The following TNXB variants were observed in gnomAD, a reference collection of about 807,000 sequenced individuals.
TNXB encodes the protein tenascin XB.
In TNXB, 183 loss-of-function variants were observed where a neutral mutation model predicts 340.5. The ratio of observed to expected loss-of-function variants is 0.54; its 90% CI spans 0.48 to 0.61. The LOEUF (loss-of-function observed/expected upper bound fraction) is 0.61, where lower values mean the gene tolerates loss of function less well. Ranked by LOEUF, TNXB falls within the 20% of genes least tolerant of loss-of-function variation. The pLI, the probability that TNXB is intolerant of heterozygous loss-of-function variation, is 0.00. For missense variants in TNXB, 4,613 were observed against 5,446.4 expected (o/e 0.85, Z 4.82); for synonymous variants, 2,121 against 2,314.5 (o/e 0.92, Z 2.40).
rs770287896 is a variant in TNXB at position 32,068,400 on chromosome 6, G to T, written c.6210C>A (p.Val2070=). The T allele has an allele frequency of 6.2e-7, 1 of 1,613,094 alleles. No homozygotes were observed. Among genetic ancestry groups the T allele is most frequent in the East Asian group, 2.2e-5 (1 of 44,876 alleles). The change falls in exon 17 of 44, where the codon GTC becomes GTA. Residue 2070 remains valine, a synonymous_variant. Transcript: ENST00000644971. This position sits in a 1 kb window ranked among gnomAD's most constrained non-coding sequence, Gnocchi z 5.3. ...GGQRMGPVSV[V]GVTAAEEETP... ...CCATCATCCACTCACCTGTCACCCC[G>T]ACGACAGACACAGGGCCCATGCGCT... is the stretch of plus-strand genomic sequence containing the variant.
chr6:32,050,188 G>C lies in TNXB; in HGVS notation c.9249C>G (p.Pro3083=), dbSNP rs776838156. The change falls in exon 27 of 44, where the codon CCC becomes CCG. Residue 3083 remains proline (P), a synonymous_variant. Transcript: ENST00000644971. ...PDSLSLSWMV[P]EGQFDHFLVQ... ...CCAGGAAGTGGTCAAACTGGCCCTC[G>C]GGAACCATCCAGGACAGGCTGAGGG... 6 of 1,613,836 alleles carry C rather than the reference G, an allele frequency of 3.7e-6. No individual in the cohort carries two copies. Among genetic ancestry groups the C allele is most frequent in the African/African-American group, 2.7e-5 (2 of 75,044 alleles).
chr6:32,100,905 C>T (rs980661813), intron 1 of TNXB, among the ~76,000 whole-genome samples: 3 of 151,060 alleles, frequency 2.0e-5, no homozygotes, highest in African/African-American at 7.3e-5. Context: ...CATGGTGAAA[C>T]CCCATCTCTA....
At position 32,084,831 on chromosome 6, in the gene TNXB, T is replaced by C. The variant is rs1779681494; in HGVS notation, c.3149-122A>G. The C allele has an allele frequency of 3.6e-6, 3 of 826,002 alleles. No individual in the cohort carries two copies. The highest frequency in any genetic ancestry group is 3.4e-5 in the African/African-American group (2 of 58,408). The allele number at this position is 826,002 out of a possible 1,614,324, so 51.2% of individuals were successfully genotyped here. A position where few individuals can be genotyped will look rare whatever the true frequency, so the allele number is the denominator to read the frequency against. ...ATAGATCCCTCCCCGGAAGACTCTA[T>C]CTGCCCACCCCTCAGTGACTAGCTC... On this transcript the variant is annotated intron_variant, in intron 7 of 43. Coordinates refer to ENST00000644971, the MANE Select transcript of TNXB (RefSeq NM_001365276.2). This position sits in a 1 kb window ranked among gnomAD's most constrained non-coding sequence, Gnocchi z 5.5.
In TNXB at chr6:32,079,316, C is replaced by T. The variant is rs372941184; in HGVS notation, c.4092G>A (p.Thr1364=). 1.3e-4 allele frequency: 216 copies of T among 1,612,638 alleles called. 1 individual carries two copies. In the African/African-American group the frequency reaches 2.2e-3, roughly 16 times the overall value. Residue 1364 remains threonine (T), a synonymous_variant, in exon 11 of 44, where the codon ACG becomes ACA. Coordinates refer to ENST00000644971, the MANE Select transcript of TNXB (RefSeq NM_001365276.2). This position sits in a 1 kb window ranked among gnomAD's most constrained non-coding sequence, Gnocchi z 7.1. ...GCTCCTCGGGGGACTCCGGGGCCTC[C>T]GTGCCCAGTTCTGTGGGGCTGGGGG... ...DETPSPTELG[T]EAPESPEEPL...
chr6:32,095,662 C>T lies in TNXB; in HGVS notation c.2191G>A (p.Asp731Asn), dbSNP rs776085809. 8.7e-6 allele frequency: 14 copies of T among 1,613,900 alleles called. No individual in the cohort carries two copies. The highest frequency in any genetic ancestry group is 1.3e-5 in the African/African-American group (1 of 74,942). Residue 731 changes from aspartate (D) to asparagine (N), a missense_variant, in exon 3 of 44, where the codon GAT (aspartate) becomes AAT (asparagine). Coordinates refer to ENST00000644971, the MANE Select transcript of TNXB (RefSeq NM_001365276.2). ...CCATCTTTGCAGACACAGCTGCCATCGTGACACTCTCCTCGGCCACGGCAG... is the reference window on the plus strand; with the variant it reads ...CCATCTTTGCAGACACAGCTGCCATTGTGACACTCTCCTCGGCCACGGCAG... Reference protein sequence around the residue: ...GDCRGRGECHDGSCVCKDGYA... With the variant: ...GDCRGRGECHNGSCVCKDGYA...
rs1780321016 is a variant in TNXB at position 32,096,015 on chromosome 6, C to G, written c.1838G>C (p.Ser613Thr). 3 of 1,613,086 alleles carry G rather than the reference C, an allele frequency of 1.9e-6. No homozygotes were observed. The highest frequency in any genetic ancestry group is 2.5e-6 in the Non-Finnish European group (3 of 1,179,790). The change falls in exon 3 of 44, where the codon AGT becomes ACT. Residue 613 changes from serine to threonine, a missense_variant. Physicochemically the swap from Ser to Thr is moderately conservative, Grantham distance 58. Around this residue, in one of 7 missense-constraint regions of TNXB, gnomAD observed 4,327 missense variants for 4,859.4 expected, o/e 0.89. Transcript: ENST00000644971. ...GCAGGTGCGGATGCTGCAGTCCTCA[C>G]TCACGTAGCCTTCCCAACAGATGCA... is the stretch of plus-strand genomic sequence containing the variant. ...GVCICWEGYV[S>T]EDCSIRTCPS... is the part of the protein sequence containing the mutation.
rs938320728 is a variant in TNXB at position 32,070,478 on chromosome 6, G to T, written c.4991-64C>A. ...CGACTCCTTGACTGCCTCCCTCTGG[G>T]GCTGGAAAAACCCAGAACTGCCCAA... On this transcript the variant is annotated intron_variant, in intron 13 of 43. Transcript: ENST00000644971. This position sits in a 1 kb window ranked among gnomAD's most constrained non-coding sequence, Gnocchi z 6.0. The T allele has an allele frequency of 2.0e-6, 3 of 1,465,992 alleles. No homozygotes were observed. The highest frequency in any genetic ancestry group is 2.7e-6 in the Non-Finnish European group (3 of 1,103,964). 90.8% of individuals were successfully genotyped at this position (1,465,992 alleles called of 1,614,324 possible). A position where few individuals can be genotyped will look rare whatever the true frequency, so the allele number is the denominator to read the frequency against.
intron 1 of TNXB, among the ~76,000 whole-genome samples, chr6:32,100,402 G>A (rs1030293760): frequency 2.6e-5 from 4 of 152,120 alleles, no homozygotes; most frequent in African/African-American, 9.7e-5. Flanking sequence ...ACTGCACCCA[G>A]CCGCAAGATT....
rs1429782077 is a variant in TNXB at position 32,068,434 on chromosome 6, T to G, written c.6176A>C (p.His2059Pro). 6.2e-7 allele frequency: 1 copy of G among 1,613,880 alleles called. No individual in the cohort carries two copies. The highest frequency in any genetic ancestry group is 8.5e-7 in the Non-Finnish European group (1 of 1,179,874). ...CACAGGGCCCATGCGCTGGCCACCGTGGAAGCCGTACAGGTTCATCTTGTA... is the reference window on the plus strand; with the variant it reads ...CACAGGGCCCATGCGCTGGCCACCGGGGAAGCCGTACAGGTTCATCTTGTA... Reference protein sequence around the residue: ...HKYKMNLYGFHGGQRMGPVSV... With the variant: ...HKYKMNLYGFPGGQRMGPVSV... Residue 2059 changes from histidine (H) to proline (P), a missense_variant, in exon 17 of 44, where the codon CAC (histidine) becomes CCC (proline). Around this residue, in one of 7 missense-constraint regions of TNXB, gnomAD observed 4,327 missense variants for 4,859.4 expected, o/e 0.89. Coordinates refer to ENST00000644971, the MANE Select transcript of TNXB (RefSeq NM_001365276.2). This position sits in a 1 kb window ranked among gnomAD's most constrained non-coding sequence, Gnocchi z 5.3.
In TNXB at chr6:32,048,374, T is replaced by C; in HGVS notation, c.10034A>G (p.Glu3345Gly). 1 of 1,495,648 alleles carries C rather than the reference T, an allele frequency of 6.7e-7. No homozygotes were observed. 92.6% of individuals were successfully genotyped at this position (1,495,648 alleles called of 1,614,324 possible). Reference protein sequence around the residue: ...NGKRHGPVPVEARTAPDTKPS... With the variant: ...NGKRHGPVPVGARTAPDTKPS... ...CAGCCCTCACTCACCGGTCCTGGCC[T>C]CCACAGGGACTGGGCCGTGGCGTTT... The change falls in exon 29 of 44, where the codon GAG (glutamate) becomes GGG (glycine). Residue 3345 changes from glutamate (E) to glycine (G), a missense_variant. Coordinates refer to ENST00000644971, the MANE Select transcript of TNXB (RefSeq NM_001365276.2).
chr6:32,076,838 C>A (rs573778891), intron 11 of TNXB, among the ~76,000 whole-genome samples: 1 of 151,870 alleles, frequency 6.6e-6, no homozygotes, highest in Non-Finnish European at 1.5e-5. Context: ...AAAAATTAGC[C>A]GGGTGTGGTG....
chr6:32,042,408 A>G lies in TNXB; in HGVS notation c.12211-46T>C, dbSNP rs749173440. The G allele has an allele frequency of 4.4e-6, 7 of 1,595,782 alleles. 1 individual carries two copies. The South Asian group carries it at 7.9e-5, about 18-fold the overall frequency. ...CCATCAGCCTCTGGCTCCCGGGGCAACAGACCCTGCCCTGCACAGACCCCT... is the reference window on the plus strand; with the variant it reads ...CCATCAGCCTCTGGCTCCCGGGGCAGCAGACCCTGCCCTGCACAGACCCCT... On this transcript the variant is annotated intron_variant, in intron 40 of 43. Coordinates refer to ENST00000644971, the MANE Select transcript of TNXB (RefSeq NM_001365276.2).
chr6:32,104,380 C>T (rs928490903), intron 1 of TNXB, among the ~76,000 whole-genome samples: 7 of 152,216 alleles, frequency 4.6e-5, no homozygotes, highest in African/African-American at 1.4e-4. Flanking sequence ...ATGCCTGTAA[C>T]CTGAACTCAC....
At position 32,085,832 on chromosome 6, in the gene TNXB, A is replaced by C. The variant is rs1303692376; in HGVS notation, c.3066T>G (p.Pro1022=). The change falls in exon 7 of 44, where the codon CCT becomes CCG. Residue 1022 remains proline (P), a synonymous_variant. Coordinates refer to ENST00000644971, the MANE Select transcript of TNXB (RefSeq NM_001365276.2). This position sits in a 1 kb window ranked among gnomAD's most constrained non-coding sequence, Gnocchi z 6.4. ...VRQALVPPPP[P]GTPYELSLHG... ...GAAGTGACAGCTCATACGGGGTTCCAGGAGGGGGTGGAGGCACCAGAGCCT... is the reference window on the plus strand; with the variant it reads ...GAAGTGACAGCTCATACGGGGTTCCCGGAGGGGGTGGAGGCACCAGAGCCT... The C allele has an allele frequency of 1.1e-5, 17 of 1,605,512 alleles. No homozygotes were observed. Among genetic ancestry groups the C allele is most frequent in the Non-Finnish European group, 1.4e-5 (17 of 1,176,990 alleles).
chr6:32,041,460 G>A lies in TNXB; in HGVS notation c.12634-10C>T, dbSNP rs1157402422. 1 of 1,004,188 alleles carries A rather than the reference G, an allele frequency of 1.0e-6. No individual in the cohort carries two copies. The highest frequency in any genetic ancestry group is 1.5e-6 in the Non-Finnish European group (1 of 652,098). 62.2% of individuals were successfully genotyped at this position (1,004,188 alleles called of 1,614,324 possible). A position where few individuals can be genotyped will look rare whatever the true frequency, so the allele number is the denominator to read the frequency against. The stretch of plus-strand genomic sequence containing the variant: ...GGTACCAGCTCACTCCCTGGGAAAG[G>A]GGTTGTCAAGAGAGAGTCAAAGCCG... On this transcript the variant is annotated splice_polypyrimidine_tract_variant and intron_variant, in intron 43 of 43. Transcript: ENST00000644971.
intron 21 of TNXB, among the ~76,000 whole-genome samples, chr6:32,060,865 C>T (rs1777963890): frequency 6.6e-6 from 1 of 152,006 alleles, no homozygotes. Flanking sequence ...TCTGGAACTC[C>T]TGACCTCAGG....
rs776364224 is a variant in TNXB at position 32,055,996 on chromosome 6, G to A, written c.8322C>T (p.Asp2774=). The A allele has an allele frequency of 7.4e-6, 12 of 1,613,188 alleles. No homozygotes were observed. The highest frequency in any genetic ancestry group is 3.3e-5 in the Admixed American group (2 of 60,006). The part of the protein sequence containing the change: ...DSFTVQYKDR[D]GRPQVMRVRG... The stretch of plus-strand genomic sequence containing the variant: ...TGACACGCATCACCTGGGGCCGCCC[G>A]TCCCTGTCCTTGTACTGCACGGTGA... Residue 2774 remains aspartate, a synonymous_variant, in exon 24 of 44, where the codon GAC becomes GAT. Transcript: ENST00000644971.
At chr6:32,091,364 C>T (rs566947073) in intron 4 of TNXB, among the ~76,000 whole-genome samples, 5 of 152,316 alleles carry the variant, frequency 3.3e-5, no homozygotes, top group Non-Finnish European at 7.3e-5. Context: ...CCCACCTCAG[C>T]CTCCCAAAGT....
rs1780476790 is a variant in TNXB, at chr6:32,097,417, G to A, written c.436C>T (p.His146Tyr). Reference sequence around the variant, plus strand: ...CAGCGGCTCAGATCAAACACACCATGGAGACTGCAGAGGGTCCGCACATCT... The same window carrying A: ...CAGCGGCTCAGATCAAACACACCATAGAGACTGCAGAGGGTCCGCACATCT... ...QTDVRTLCSL[H>Y]GVFDLSRCTC... is the part of the protein sequence containing the mutation. Residue 146 changes from histidine (H) to tyrosine (Y), a missense_variant, in exon 3 of 44, where the codon CAT becomes TAT. Transcript: ENST00000644971. The surrounding 1 kb of genome is among the most constrained non-coding windows in gnomAD (Gnocchi z 5.9). 1 of 1,605,414 alleles carries A rather than the reference G, an allele frequency of 6.2e-7. No individual in the cohort carries two copies. Among genetic ancestry groups the A allele is most frequent in the Non-Finnish European group, 8.5e-7 (1 of 1,177,922 alleles).
Sources: gnomAD v4.1 joint callset for allele counts (sites outside exome capture counted in the v4.1 genomes callset) on GRCh38, gnomAD v4.1.1 for gene constraint, gnomAD v4.1.1 regional missense constraint, Gnocchi (gnomAD v3.1) non-coding constraint, MANE v1.5 for transcripts, NCBI Gene and HGNC (gene_info 2026-07-23, HGNC 2026-07-21) for gene names.